NAV3: variants seen among roughly 807,000 people sequenced by gnomAD.
NAV3 encodes the protein neuron navigator 3.
A neutral mutation model predicts 244.7 loss-of-function variants in NAV3; 87 were observed. That is an observed-to-expected ratio of 0.36 (90% CI 0.30 to 0.42). NAV3 has a LOEUF of 0.42. Among genes scored for constraint, NAV3 ranks in the 20% least tolerant of loss-of-function variants. The probability of loss-of-function intolerance (pLI) is 1.00; values close to 1 mark genes in which losing one functional copy is unlikely to be tolerated. For missense variants in NAV3, 2,663 were observed against 2,893.3 expected, an observed-to-expected ratio of 0.92 and a Z score of 1.83; for synonymous variants, 1,126 against 1,042.2, an observed-to-expected ratio of 1.08 and a Z score of -1.55.
chr12:78,065,829 C>G (rs928294385), intron 12 of NAV3, among the ~76,000 whole-genome samples: 2 of 152,094 alleles, frequency 1.3e-5, no homozygotes, highest in African/African-American at 4.8e-5. Flanking sequence ...CTGATTTGCT[C>G]TGTTTTGTTT....
intron 18 of NAV3, among the ~76,000 whole-genome samples, chr12:78,135,530 G>A (rs1041344631): frequency 4.6e-5 from 7 of 152,082 alleles, no homozygotes; most frequent in African/African-American, 1.7e-4. Flanking sequence ...AAGCCAAAAA[G>A]CAAATAAAAT....
chr12:77,648,453 C>G (rs1207810446), intron 2 of NAV3, among the ~76,000 whole-genome samples: 2 of 152,052 alleles, frequency 1.3e-5, no homozygotes, highest in Non-Finnish European at 2.9e-5. Flanking sequence ...GTATTTATAT[C>G]TCTCAAATTA....
intron 32 of NAV3, 55 bp downstream of exon 32, chr12:78,188,398 G>A (rs1415947532): frequency 1.4e-6 from 2 of 1,443,434 alleles, no homozygotes; most frequent in Admixed American, 1.9e-5. Flanking sequence ...CTCTTTAATT[G>A]TTTTCCATAA....
intron 23 of NAV3, among the ~76,000 whole-genome samples, chr12:78,167,810 C>A (rs1486959952): frequency 6.6e-6 from 1 of 151,360 alleles, no homozygotes; most frequent in African/African-American, 2.4e-5. Flanking sequence ...AGAAGATACC[C>A]CTTGTCACTG....
At chr12:77,641,121 A>G (rs752847952) in intron 2 of NAV3, among the ~76,000 whole-genome samples, 2 of 152,230 alleles carry the variant, frequency 1.3e-5, no homozygotes, top group Non-Finnish European at 2.9e-5. Context: ...GGAAGTTTAC[A>G]TTCCTCAGAT....
chr12:77,875,625 T>G (rs1881738347), intron 1 of NAV3, among the ~76,000 whole-genome samples: 3 of 151,750 alleles, frequency 2.0e-5, no homozygotes, highest in Admixed American at 2.0e-4. Flanking sequence ...AGGAAAACAA[T>G]TATAATTTGA....
At chr12:78,033,409 T>G (rs1425799850) in intron 9 of NAV3, among the ~76,000 whole-genome samples, 1 of 152,142 alleles carries the variant, frequency 6.6e-6, no homozygotes, top group East Asian at 1.9e-4. Context: ...CTTGGCGTAA[T>G]TAGAATGATT....
At chr12:78,037,116 T>C in intron 9 of NAV3, 1 of 702,944 alleles carries the variant, frequency 1.4e-6, no homozygotes, top group Non-Finnish European at 2.6e-6. Flanking sequence ...CACCAGCAGC[T>C]CAGCCTGGAA....
chr12:77,888,241 C>T (rs1182399244), intron 1 of NAV3, among the ~76,000 whole-genome samples: 1 of 151,954 alleles, frequency 6.6e-6, no homozygotes, highest in Non-Finnish European at 1.5e-5. Context: ...CCTGTAATCC[C>T]AAGGAGGTAG....
chr12:77,932,450 A>G (rs1294157218), intron 1 of NAV3, among the ~76,000 whole-genome samples: 6 of 151,470 alleles, frequency 4.0e-5, no homozygotes, highest in South Asian at 2.1e-4. Flanking sequence ...TTCCTTTACT[A>G]CTCTGCTACA....
chr12:77,810,428 C>G (rs2135998493), intron 2 of NAV3, among the ~76,000 whole-genome samples: 1 of 152,314 alleles, frequency 6.6e-6, no homozygotes, highest in African/African-American at 2.4e-5. Flanking sequence ...ACCTCGGCCT[C>G]CCAAAGTGCT....
In NAV3 at chr12:77,617,476, G is replaced by A. The variant is rs944420614; in HGVS notation, c.72+45210G>A. ...GACTTAAACAGCACTATGGAGAGAG[G>A]CATATGATAAAAAACTGAGACTTCC... is the stretch of plus-strand genomic sequence containing the variant. On this transcript the variant is annotated intron_variant, in intron 2 of 8. Coordinates refer to the NAV3 transcript ENST00000550042. Among the ~76,000 whole-genome samples, 3 of 152,146 alleles carry A rather than the reference G, an allele frequency of 2.0e-5. No individual in the cohort carries two copies. The South Asian group carries it at 6.2e-4, about 32-fold the overall frequency.
intron 39 of NAV3, among the ~76,000 whole-genome samples, chr12:78,209,508 A>G (rs1960677453): frequency 6.6e-6 from 1 of 152,076 alleles, no homozygotes; most frequent in Admixed American, 6.6e-5. Flanking sequence ...AAATCATTGA[A>G]CCATTTATTC....
rs1035276571 is a variant in NAV3, at chr12:78,007,181, G to A, written c.1643G>A (p.Ser548Asn). 8 of 1,614,170 alleles carry A rather than the reference G, an allele frequency of 5.0e-6. No individual in the cohort carries two copies. The highest frequency in any genetic ancestry group is 6.8e-6 in the Non-Finnish European group (8 of 1,180,034). The change falls in exon 8 of 40, where the codon AGC (serine) becomes AAC (asparagine). Residue 548 changes from serine (S) to asparagine (N), a missense_variant. By Grantham distance (46) the Ser-to-Asn change is conservative (BLOSUM62 1). Around this residue, in one of 6 missense-constraint regions of NAV3, gnomAD observed 1,521 missense variants for 1,497.0 expected, o/e 1.02. Transcript: ENST00000397909. ...KQTISPGSTA[S>N]KESEKFRTTK... ...ACCATTTCACCTGGCAGCACAGCAA[G>A]CAAAGAGTCTGAGAAATTCAGGACT... is the stretch of plus-strand genomic sequence containing the variant.
At chr12:77,730,121 C>A (rs1049591202) in intron 2 of NAV3, among the ~76,000 whole-genome samples, 1 of 151,944 alleles carries the variant, frequency 6.6e-6, no homozygotes, top group Non-Finnish European at 1.5e-5. Context: ...ACTTTTTAAG[C>A]CTCACTTTAA....
At chr12:78,142,361 A>C (rs1593762973) in intron 20 of NAV3, among the ~76,000 whole-genome samples, 1 of 152,118 alleles carries the variant, frequency 6.6e-6, no homozygotes, top group East Asian at 1.9e-4. Flanking sequence ...TGTTAATAAA[A>C]GTGTTCTGTA....
intron 2 of NAV3, among the ~76,000 whole-genome samples, chr12:77,683,079 A>C (rs972850273): frequency 6.6e-6 from 1 of 152,148 alleles, no homozygotes; most frequent in Non-Finnish European, 1.5e-5. Flanking sequence ...TATCCAAAAA[A>C]TATTGTCAAG....
At chr12:77,742,390 C>G (rs1333579433) in intron 2 of NAV3, among the ~76,000 whole-genome samples, 1 of 152,024 alleles carries the variant, frequency 6.6e-6, no homozygotes, top group Non-Finnish European at 1.5e-5. Flanking sequence ...AACAACACAG[C>G]TTTGAACTGT....
At chr12:77,724,382 T>A (rs1449166434) in intron 2 of NAV3, among the ~76,000 whole-genome samples, 1 of 152,006 alleles carries the variant, frequency 6.6e-6, no homozygotes, top group Middle Eastern at 3.2e-3. Flanking sequence ...TTACAAATTA[T>A]CTTGCCTGAT....
Sources: allele counts gnomAD v4.1 joint callset (sites outside exome capture counted in the v4.1 genomes callset), GRCh38; gene constraint gnomAD v4.1.1; regional missense constraint gnomAD v4.1.1; transcripts MANE v1.5; gene names NCBI Gene and HGNC (gene_info 2026-07-23, HGNC 2026-07-21).